Variants in IMMP2L observed in about 807,000 individuals in gnomAD.
IMMP2L encodes mitochondrial inner membrane protease subunit 2.
IMMP2L carries 18 observed loss-of-function variants against 19.3 expected under a neutral mutation model. The ratio of observed to expected loss-of-function variants is 0.93; its 90% confidence interval spans 0.64 to 1.38. The LOEUF (loss-of-function observed/expected upper bound fraction) is 1.38, where lower values mean the gene tolerates loss of function less well. IMMP2L is among the 40% of genes most tolerant of loss of function. The pLI is 0.00. For missense variants in IMMP2L, 233 were observed against 218.2 expected, an observed-to-expected ratio of 1.07 and a Z score of -0.43; for synonymous variants, 76 against 73.0, an observed-to-expected ratio of 1.04 and a Z score of -0.21.
intron 3 of IMMP2L, among the ~76,000 whole-genome samples, chr7:111,275,037 G>A (rs1355646180): frequency 8.5e-5 from 13 of 152,122 alleles, no homozygotes; most frequent in Admixed American, 6.6e-4. Flanking sequence ...TTCTAATCTC[G>A]AGATGTGTCA....
chr7:111,463,797 T>C (rs117575544), intron 3 of IMMP2L, among the ~76,000 whole-genome samples: 1,944 of 152,284 alleles, frequency 0.013, 36 homozygotes, highest in Admixed American at 0.055. Context: ...ACTCTCTTCA[T>C]TGTCCCCATT....
intron 3 of IMMP2L, among the ~76,000 whole-genome samples, chr7:111,307,962 T>A (rs779573850): frequency 2.0e-5 from 3 of 151,940 alleles, no homozygotes; most frequent in African/African-American, 7.2e-5. Context: ...TTGAACACTT[T>A]AAGCAATTCT....
chr7:111,174,077 G>T (rs1055549092), intron 3 of IMMP2L, among the ~76,000 whole-genome samples: 3 of 151,590 alleles, frequency 2.0e-5, no homozygotes, highest in African/African-American at 7.3e-5. Flanking sequence ...ATATCATAAA[G>T]AAAAATTATA....
intron 2 of IMMP2L, among the ~76,000 whole-genome samples, chr7:111,520,714 C>T (rs1242281690): frequency 1.3e-5 from 2 of 152,028 alleles, no homozygotes; most frequent in Non-Finnish European, 2.9e-5. Flanking sequence ...ACTAAAAAAG[C>T]TAGGTTCTAG....
At chr7:110,720,956 A>G (rs1795527208) in intron 5 of IMMP2L, among the ~76,000 whole-genome samples, 1 of 152,070 alleles carries the variant, frequency 6.6e-6, no homozygotes. Context: ...GGGAAGGCTT[A>G]ACCTTCCATC....
At chr7:111,309,694 A>T (rs1040543254) in intron 3 of IMMP2L, among the ~76,000 whole-genome samples, 1 of 152,156 alleles carries the variant, frequency 6.6e-6, no homozygotes, top group Non-Finnish European at 1.5e-5. Flanking sequence ...ATTTCCCTTT[A>T]TTAAGAATGC....
At chr7:111,496,435 C>A (rs1563268435) in intron 2 of IMMP2L, among the ~76,000 whole-genome samples, 1 of 152,074 alleles carries the variant, frequency 6.6e-6, no homozygotes, top group Non-Finnish European at 1.5e-5. Flanking sequence ...AAGCATTATT[C>A]TGGGTATATC....
intron 1 of IMMP2L, among the ~76,000 whole-genome samples, chr7:111,528,362 G>C (rs777557344): frequency 1.3e-5 from 2 of 152,114 alleles, no homozygotes; most frequent in Non-Finnish European, 2.9e-5. Context: ...CATTCTTCTT[G>C]TAACTATGGA....
chr7:110,739,192 A>T (rs1796833795), intron 5 of IMMP2L, among the ~76,000 whole-genome samples: 1 of 152,164 alleles, frequency 6.6e-6, no homozygotes, highest in African/African-American at 2.4e-5. Flanking sequence ...TAGCACAATG[A>T]GTAGAATAGT....
chr7:111,113,243 T>G (rs978562729), intron 3 of IMMP2L, among the ~76,000 whole-genome samples: 4 of 152,212 alleles, frequency 2.6e-5, no homozygotes, highest in Admixed American at 6.5e-5. Context: ...TGACTTTCTA[T>G]TCTGTCAAAC....
chr7:111,478,810 T>C (rs988160165), intron 3 of IMMP2L, among the ~76,000 whole-genome samples: 4 of 152,178 alleles, frequency 2.6e-5, no homozygotes, highest in African/African-American at 9.7e-5. Context: ...TTGTTTTATA[T>C]TGTTTTTCTT....
At chr7:110,821,271 G>A (rs1176289197) in intron 5 of IMMP2L, among the ~76,000 whole-genome samples, 1 of 152,046 alleles carries the variant, frequency 6.6e-6, no homozygotes, top group Non-Finnish European at 1.5e-5. Context: ...AGGCAGTTTG[G>A]CTCAGAGGGC....
At position 111,442,845 on chromosome 7, in the gene IMMP2L, C is replaced by T. The variant is rs560940970; in HGVS notation, c.239+44393G>A. On this transcript the variant is annotated intron_variant, in intron 3 of 5. Coordinates refer to ENST00000405709, the MANE Select transcript of IMMP2L (RefSeq NM_032549.4). ...AATTTGCCCATATAGTTAATTGCCA[C>T]TTCACAGCAAGTACTGTGAATAAAA... 8.5e-5 allele frequency among the ~76,000 whole-genome samples: 13 copies of T among 152,050 alleles called. No individual in the cohort carries two copies. In the South Asian group the frequency reaches 2.7e-3, roughly 31 times the overall value.
At chr7:111,243,839 T>C (rs13308036) in intron 3 of IMMP2L, among the ~76,000 whole-genome samples, 69 of 14,706 alleles carry the variant, frequency 4.7e-3, no homozygotes, top group African/African-American at 6.0e-3. Flanking sequence ...CTACAAAGGA[T>C]ATGAACTCAT....
At chr7:110,972,023 T>C (rs958822983) in intron 3 of IMMP2L, among the ~76,000 whole-genome samples, 1 of 152,112 alleles carries the variant, frequency 6.6e-6, no homozygotes, top group African/African-American at 2.4e-5. Context: ...TGAAGTATCC[T>C]GACACATTTC....
intron 2 of IMMP2L, among the ~76,000 whole-genome samples, chr7:111,500,140 G>A (rs550911597): frequency 2.0e-5 from 3 of 152,210 alleles, no homozygotes; most frequent in African/African-American, 7.2e-5. Context: ...TTAAAAAAAC[G>A]GCATACCAGG....
chr7:111,271,059 T>C (rs903374545), intron 3 of IMMP2L, among the ~76,000 whole-genome samples: 3 of 152,132 alleles, frequency 2.0e-5, no homozygotes, highest in African/African-American at 4.8e-5. Flanking sequence ...AGGGACCCAA[T>C]GGGAGGTAAT....
chr7:111,368,749 G>A (rs1185017860), intron 3 of IMMP2L, among the ~76,000 whole-genome samples: 1 of 151,878 alleles, frequency 6.6e-6, no homozygotes, highest in Non-Finnish European at 1.5e-5. Flanking sequence ...AAAAGCATAA[G>A]GGGATAAAAT....
chr7:111,101,937 A>T (rs1024978759), intron 3 of IMMP2L, among the ~76,000 whole-genome samples: 8 of 151,474 alleles, frequency 5.3e-5, no homozygotes, highest in Admixed American at 5.3e-4. Flanking sequence ...TCTACCAAAA[A>T]TGGACAAAAC....
Sources: gnomAD v4.1 joint callset for allele counts (sites outside exome capture counted in the v4.1 genomes callset) on GRCh38, gnomAD v4.1.1 for gene constraint, MANE v1.5 for transcripts, NCBI Gene and HGNC (gene_info 2026-07-23, HGNC 2026-07-21) for gene names.